HDAC4: variants seen among roughly 807,000 people sequenced by gnomAD.
HDAC4 encodes the protein histone deacetylase A.
In HDAC4, 16 loss-of-function variants were observed where a neutral mutation model predicts 135.1. The ratio of observed to expected loss-of-function variants is 0.12; its 90% CI spans 0.08 to 0.18. The LOEUF (loss-of-function observed/expected upper bound fraction) is 0.18, where lower values mean the gene tolerates loss of function less well. Among genes scored for constraint, HDAC4 ranks in the 10% least tolerant of loss-of-function variants. The probability of loss-of-function intolerance (pLI) is 1.00; values close to 1 mark genes in which losing one functional copy is unlikely to be tolerated. For missense variants in HDAC4, 1,143 were observed against 1,511.8 expected (o/e 0.76, Z 4.05); for synonymous variants, 685 against 653.4 (o/e 1.05, Z -0.74).
intron 4 of HDAC4, among the ~76,000 whole-genome samples, chr2:239,177,345 C>T (rs2043839201): frequency 1.3e-5 from 2 of 152,212 alleles, no homozygotes; most frequent in African/African-American, 4.8e-5. Context: ...TGTCTCCAGG[C>T]TCTGATCCTC....
At chr2:239,063,026 G>A (rs2032984287) in intron 24 of HDAC4, among the ~76,000 whole-genome samples, 2 of 152,092 alleles carry the variant, frequency 1.3e-5, no homozygotes, top group Non-Finnish European at 2.9e-5. Context: ...CTTGGCCATT[G>A]CCTGCTGTCG....
chr2:239,126,016 G>A (rs2040162445), intron 12 of HDAC4, among the ~76,000 whole-genome samples: 1 of 152,210 alleles, frequency 6.6e-6, no homozygotes. Context: ...TGGGCACTGT[G>A]GGTTGCTAGT....
chr2:239,147,674 TG>T, intron 7 of HDAC4, among the ~76,000 whole-genome samples: 3 of 152,364 alleles, frequency 2.0e-5, no homozygotes, highest in Admixed American at 2.0e-4. Flanking sequence ...ATGGAAGAGT[TG>T]CTCCCACCAA....
intron 3 of HDAC4, among the ~76,000 whole-genome samples, chr2:239,215,230 C>T (rs879704910): frequency 5.9e-5 from 9 of 152,140 alleles, no homozygotes; most frequent in Non-Finnish European, 7.4e-5. Flanking sequence ...CACCTGAGGA[C>T]TGGTGGCCGG....
intron 1 of HDAC4, among the ~76,000 whole-genome samples, chr2:239,359,517 CG>C (rs1021464569): frequency 3.3e-5 from 5 of 152,176 alleles, no homozygotes; most frequent in African/African-American, 1.2e-4. Flanking sequence ...GACCTGGGGT[CG>C]GGTCTAGGAT....
chr2:239,370,543 T>C (rs1487786220), intron 1 of HDAC4, among the ~76,000 whole-genome samples: 1 of 152,202 alleles, frequency 6.6e-6, no homozygotes, highest in Non-Finnish European at 1.5e-5. Flanking sequence ...CTCCCTGCCT[T>C]GCCAGCCCTG....
intron 1 of HDAC4, among the ~76,000 whole-genome samples, chr2:239,354,876 G>A (rs956330701): frequency 2.6e-5 from 4 of 152,040 alleles, no homozygotes; most frequent in South Asian, 2.1e-4. Context: ...AATCTCAGAT[G>A]ACAGTATCCT....
At chr2:239,194,617 CCCTATGGGGGAAGAAA>C (rs2045244004) in intron 3 of HDAC4, among the ~76,000 whole-genome samples, 1 of 152,226 alleles carries the variant, frequency 6.6e-6, no homozygotes, top group Admixed American at 6.5e-5. Flanking sequence ...AAAGACAGGA[CCCTATGGGGGAAGAAA>C]CTGCTGCCCA....
chr2:239,334,579 G>A (rs1318257785), intron 2 of HDAC4, among the ~76,000 whole-genome samples: 1 of 151,742 alleles, frequency 6.6e-6, no homozygotes, highest in South Asian at 2.1e-4. Context: ...AAATATGATC[G>A]AAAGAAATTA....
At chr2:239,348,134 G>A (rs535529090) in intron 2 of HDAC4, among the ~76,000 whole-genome samples, 3 of 147,880 alleles carry the variant, frequency 2.0e-5, no homozygotes, top group African/African-American at 7.5e-5. Flanking sequence ...CCACAGACAC[G>A]TCCCAGCAAA....
chr2:239,303,159 G>A lies in HDAC4; in HGVS notation c.22+49519C>T, dbSNP rs1258516488. Among the ~76,000 whole-genome samples the A allele has an allele frequency of 2.6e-5, 4 of 152,246 alleles. No individual in the cohort carries two copies. The highest frequency in any genetic ancestry group is 2.1e-4 in the South Asian group (1 of 4,830). ...CAGAGCCTGACTCCAGCCTCAGGGC[G>A]TGAGGCACCTGGCCCTGGCCTGTTC... On this transcript the variant is annotated intron_variant, in intron 2 of 26. Coordinates refer to ENST00000543185, the MANE Select transcript of HDAC4 (RefSeq NM_001378414.1). This position sits in a 1 kb window ranked among gnomAD's most constrained non-coding sequence, Gnocchi z 5.1.
At chr2:239,124,929 G>A (rs2040061043) in intron 12 of HDAC4, among the ~76,000 whole-genome samples, 1 of 148,402 alleles carries the variant, frequency 6.7e-6, no homozygotes, top group African/African-American at 2.5e-5. Flanking sequence ...CTGGCGTGTG[G>A]CTGCGTTATA....
At chr2:239,180,324 G>T (rs992922080) in intron 4 of HDAC4, among the ~76,000 whole-genome samples, 3 of 152,114 alleles carry the variant, frequency 2.0e-5, no homozygotes, top group Admixed American at 6.5e-5. Flanking sequence ...CGGTGCAGGG[G>T]ATGAGGAATG....
intron 1 of HDAC4, among the ~76,000 whole-genome samples, chr2:239,396,198 ACTC>A (rs1696550158): frequency 6.7e-6 from 1 of 148,612 alleles, no homozygotes; most frequent in Non-Finnish European, 1.5e-5. Context: ...CTGGTCTTGA[ACTC>A]CTGGGCTCAA....
chr2:239,097,621 C>T (rs550970607), intron 16 of HDAC4, among the ~76,000 whole-genome samples: 14 of 152,354 alleles, frequency 9.2e-5, no homozygotes, highest in African/African-American at 2.2e-4. Context: ...GCGGCCTGCA[C>T]GCCGGACCCC....
intron 2 of HDAC4, among the ~76,000 whole-genome samples, chr2:239,337,581 C>T (rs1269497439): frequency 6.6e-6 from 1 of 152,190 alleles, no homozygotes; most frequent in African/African-American, 2.4e-5. Context: ...AGTCAGATGG[C>T]CGCTGCTGGG....
rs1363571523 is a variant in HDAC4, at chr2:239,124,639, C to T, written c.1533+1817G>A. Among the ~76,000 whole-genome samples, 51 of 89,760 alleles carry T rather than the reference C, an allele frequency of 5.7e-4. 3 individuals carry two copies. The highest frequency in any genetic ancestry group is 2.7e-3 in the African/African-American group (49 of 18,174). The allele number at this position is 89,760 out of a possible 152,430, so 58.9% of individuals were successfully genotyped here. The stretch of plus-strand genomic sequence containing the variant: ...TCCGGCGTGCCGGCATGTGGCCGCA[C>T]ATCATTCCACGTTATATGACATTCC... On this transcript the variant is annotated intron_variant, in intron 12 of 26. Transcript: ENST00000543185.
intron 2 of HDAC4, among the ~76,000 whole-genome samples, chr2:239,273,460 GA>G (rs1256455591): frequency 1.3e-5 from 2 of 152,222 alleles, no homozygotes; most frequent in African/African-American, 4.8e-5. Flanking sequence ...AAGAGCTGAT[GA>G]GGGCACTTCC....
intron 17 of HDAC4, chr2:239,094,689 T>C: frequency 1.6e-6 from 2 of 1,224,456 alleles, no homozygotes; most frequent in Non-Finnish European, 2.1e-6. Flanking sequence ...CGTGGCCTGA[T>C]GTGAGCAGAT....
Sources: gnomAD v4.1 joint callset for allele counts (sites outside exome capture counted in the v4.1 genomes callset) on GRCh38, gnomAD v4.1.1 for gene constraint, Gnocchi (gnomAD v3.1) non-coding constraint, MANE v1.5 for transcripts, NCBI Gene and HGNC (gene_info 2026-07-23, HGNC 2026-07-21) for gene names.